Variants in EHMT1 observed in about 807,000 individuals in gnomAD.
The protein encoded by EHMT1 is euchromatic histone lysine methyltransferase 1.
A neutral mutation model predicts 147.2 loss-of-function variants in EHMT1; 15 were observed. That is an observed-to-expected ratio of 0.10 (90% CI 0.07 to 0.16). The LOEUF (loss-of-function observed/expected upper bound fraction) is 0.16. Ranked by LOEUF, EHMT1 falls within the 10% of genes least tolerant of loss-of-function variation. The pLI, the probability that EHMT1 is intolerant of heterozygous loss-of-function variation, is 1.00. For missense variants in EHMT1, 1,587 were observed against 1,772.4 expected, an observed-to-expected ratio of 0.90 and a Z score of 1.88; for synonymous variants, 795 against 709.6, an observed-to-expected ratio of 1.12 and a Z score of -1.91.
chr9:137,778,419 G>A (rs1588657920), intron 13 of EHMT1, among the ~76,000 whole-genome samples: 1 of 152,244 alleles, frequency 6.6e-6, no homozygotes, highest in Non-Finnish European at 1.5e-5. Context: ...TGCAATGCGA[G>A]GGTTGGGCCA....
chr9:137,625,599 A>G (rs1044561080), intron 1 of EHMT1, among the ~76,000 whole-genome samples: 1 of 152,114 alleles, frequency 6.6e-6, no homozygotes, highest in African/African-American at 2.4e-5. Flanking sequence ...CGGCCTCCCA[A>G]AGTGCTGGGA....
chr9:137,680,967 G>T (rs1450025092), intron 1 of EHMT1: 6 of 152,290 alleles, frequency 3.9e-5, no homozygotes, highest in Non-Finnish European at 7.3e-5. Context: ...TTATCTGTGT[G>T]TGCCCTATGT....
intron 1 of EHMT1, among the ~76,000 whole-genome samples, chr9:137,669,569 G>A (rs113308914): frequency 8.2e-6 from 1 of 122,086 alleles, no homozygotes; most frequent in African/African-American, 3.1e-5. Context: ...TGCACTCACC[G>A]ACTCCACCCA....
At chr9:137,647,105 C>T (rs1844949511) in intron 1 of EHMT1, among the ~76,000 whole-genome samples, 1 of 152,170 alleles carries the variant, frequency 6.6e-6, no homozygotes, top group Non-Finnish European at 1.5e-5. Flanking sequence ...CTTCTGGTTT[C>T]CTGCCGCCTC....
At chr9:137,742,016 C>G (rs771096235) in intron 4 of EHMT1, among the ~76,000 whole-genome samples, 30 of 152,226 alleles carry the variant, frequency 2.0e-4, no homozygotes, top group Admixed American at 9.2e-4. Flanking sequence ...CACAGCCATG[C>G]TGGCCTGTCA....
At chr9:137,664,747 T>G (rs1226823564) in intron 1 of EHMT1, among the ~76,000 whole-genome samples, 2 of 152,284 alleles carry the variant, frequency 1.3e-5, no homozygotes, top group Non-Finnish European at 2.9e-5. Context: ...GAGGGCAGGA[T>G]TCTCTTGGGT....
intron 1 of EHMT1, among the ~76,000 whole-genome samples, chr9:137,652,116 A>C (rs1450954099): frequency 6.6e-6 from 1 of 152,232 alleles, no homozygotes; most frequent in African/African-American, 2.4e-5. Flanking sequence ...TCTAGAAGAC[A>C]CTGTTACCAT....
intron 9 of EHMT1, among the ~76,000 whole-genome samples, chr9:137,761,155 G>T (rs1311107072): frequency 6.6e-6 from 1 of 152,242 alleles, no homozygotes; most frequent in Admixed American, 6.5e-5. Context: ...GGGTGAACGT[G>T]GGAGTAAAGC....
chr9:137,712,369 A>T (rs1448764633), intron 2 of EHMT1, among the ~76,000 whole-genome samples: 1 of 151,878 alleles, frequency 6.6e-6, no homozygotes, highest in African/African-American at 2.4e-5. Flanking sequence ...ACCCTGGGGG[A>T]ACTGCTGGAC....
chr9:137,639,351 G>A (rs1274240337), intron 1 of EHMT1, among the ~76,000 whole-genome samples: 2 of 152,176 alleles, frequency 1.3e-5, no homozygotes, highest in East Asian at 1.9e-4. Context: ...TTGGTTGATA[G>A]TATTAAGTCT....
chr9:137,736,762 G>A (rs777805377), intron 4 of EHMT1, among the ~76,000 whole-genome samples: 2 of 152,206 alleles, frequency 1.3e-5, no homozygotes, highest in South Asian at 2.1e-4. Context: ...GTGGTGGCAC[G>A]TCCCTGTAAT....
chr9:137,669,339 C>CGCCCCCTCAGCACGTGCACTCGACTCCA (rs60154034), intron 1 of EHMT1, among the ~76,000 whole-genome samples: 1 of 10,782 alleles, frequency 9.3e-5, no homozygotes, highest in African/African-American at 4.6e-4. Context: ...AGCACGTGGA[C>CGCCCCCTCAGCACGTGCACTCGACTCCA]CCCACACCAC....
In EHMT1 at chr9:137,728,460, C is replaced by T; in HGVS notation, c.754C>T (p.Pro252Ser). 4.3e-6 allele frequency: 7 copies of T among 1,614,028 alleles called. No individual in the cohort carries two copies. The highest frequency in any genetic ancestry group is 5.9e-6 in the Non-Finnish European group (7 of 1,179,944). ...CTTTGGACGACAGCAGCTTTTACCC[C>T]CCTTCCCATCCCTTCATCAGTCGCT... ...SDFGRQQLLP[P>S]FPSLHQSLPQ... The change falls in exon 4 of 27, where the codon CCC becomes TCC. Residue 252 changes from proline to serine, a missense_variant. Around this residue, in one of 7 missense-constraint regions of EHMT1, gnomAD observed 810 missense variants for 673.0 expected, o/e 1.20. Transcript: ENST00000460843.
At chr9:137,690,689 C>T (rs758198642) in intron 1 of EHMT1, among the ~76,000 whole-genome samples, 2 of 152,166 alleles carry the variant, frequency 1.3e-5, no homozygotes, top group Non-Finnish European at 2.9e-5. Flanking sequence ...CCTGCCTTAG[C>T]CTCCCAAGTA....
At chr9:137,639,823 C>CTGCAA (rs1274850346) in intron 1 of EHMT1, among the ~76,000 whole-genome samples, 1 of 152,192 alleles carries the variant, frequency 6.6e-6, no homozygotes, top group Admixed American at 6.5e-5. Flanking sequence ...TCACCTTAGA[C>CTGCAA]TGCAAGGATG....
rs146608596 is a variant in EHMT1, at chr9:137,712,708, C to T, written c.85+1678C>T. Among the ~76,000 whole-genome samples, 1,030 of 152,176 alleles carry T rather than the reference C, an allele frequency of 6.8e-3. 8 individuals carry two copies. The highest frequency in any genetic ancestry group is 0.011 in the Non-Finnish European group (718 of 68,022). On this transcript the variant is annotated intron_variant, in intron 2 of 26. Coordinates refer to ENST00000460843, the MANE Select transcript of EHMT1 (RefSeq NM_024757.5). ...CATGGGATTTGCAAATATTTTCTTC[C>T]GGTCTGTGGCTTGTCTTTCCCCTTT...
At position 137,813,149 on chromosome 9, in the gene EHMT1, G is replaced by A. The variant is rs138283222; in HGVS notation, c.3011G>A (p.Ser1004Asn). The A allele has an allele frequency of 1.5e-4, 249 of 1,611,034 alleles. No individual in the cohort carries two copies. In the African/African-American group the frequency reaches 3.1e-3, roughly 20 times the overall value. The change falls in exon 20 of 27, where the codon AGC becomes AAC. Residue 1004 changes from serine (S) to asparagine (N), a missense_variant. Around this residue, in one of 7 missense-constraint regions of EHMT1, gnomAD observed 78 missense variants for 68.9 expected, o/e 1.13. Coordinates refer to ENST00000460843, the MANE Select transcript of EHMT1 (RefSeq NM_024757.5). The surrounding 1 kb of genome is among the most constrained non-coding windows in gnomAD (Gnocchi z 4.9). ...CAGGACTCGGCCCCCGACAGGCCCA[G>A]CCCCGTGGAGAGGATAGTGAGCAGG... ...ALQDSAPDRPSPVERIVSRDI... is the reference protein window; with the variant it reads ...ALQDSAPDRPNPVERIVSRDI...
intron 25 of EHMT1, among the ~76,000 whole-genome samples, chr9:137,818,371 C>T (rs533577713): frequency 6.6e-6 from 1 of 152,150 alleles, no homozygotes; most frequent in Non-Finnish European, 1.5e-5. Flanking sequence ...GCCAACTGCC[C>T]CTTTCTTGTG....
In EHMT1 at chr9:137,825,742, G is replaced by A. The variant is rs537246015; in HGVS notation, c.3540+7604G>A. On this transcript the variant is annotated intron_variant, in intron 25 of 26. Coordinates refer to ENST00000460843, the MANE Select transcript of EHMT1 (RefSeq NM_024757.5). Reference sequence around the variant, plus strand: ...TCACCTATTAAGTGTAATGATATGTGTGGGTCCATTGTTTTGTGTGTGTGT... The same window carrying A: ...TCACCTATTAAGTGTAATGATATGTATGGGTCCATTGTTTTGTGTGTGTGT... Among the ~76,000 whole-genome samples, 5 of 152,284 alleles carry A rather than the reference G, an allele frequency of 3.3e-5. No individual in the cohort carries two copies. In the East Asian group the frequency reaches 5.8e-4, roughly 18 times the overall value.
Sources: gnomAD v4.1 joint callset for allele counts (sites outside exome capture counted in the v4.1 genomes callset) on GRCh38, gnomAD v4.1.1 for gene constraint, gnomAD v4.1.1 regional missense constraint, Gnocchi (gnomAD v3.1) non-coding constraint, MANE v1.5 for transcripts, NCBI Gene and HGNC (gene_info 2026-07-23, HGNC 2026-07-21) for gene names.